PLEKHA5: variants seen among roughly 807,000 people sequenced by gnomAD.
PLEKHA5 encodes pleckstrin homology domain-containing family A member 5.
In PLEKHA5, 55 loss-of-function variants were observed where a neutral mutation model predicts 181.9. The ratio of observed to expected loss-of-function variants is 0.30; its 90% confidence interval spans 0.24 to 0.38. The LOEUF is 0.38. Among genes scored for constraint, PLEKHA5 ranks in the 10% least tolerant of loss-of-function variants. The pLI, the probability that PLEKHA5 is intolerant of heterozygous loss-of-function variation, is 1.00. For synonymous variants in PLEKHA5, 535 were observed against 529.4 expected, an observed-to-expected ratio of 1.01 and a Z score of -0.15; for missense variants, 1,432 against 1,549.5, an observed-to-expected ratio of 0.92 and a Z score of 1.27.
intron 3 of PLEKHA5, among the ~76,000 whole-genome samples, chr12:19,229,658 C>T (rs553102484): frequency 1.6e-4 from 24 of 152,204 alleles, no homozygotes; most frequent in Admixed American, 2.6e-4. Context: ...TCGCAAAGAG[C>T]GAAAGAACAA....
At chr12:19,362,633 G>A (rs887210228) in intron 29 of PLEKHA5, among the ~76,000 whole-genome samples, 3 of 152,122 alleles carry the variant, frequency 2.0e-5, no homozygotes, top group Non-Finnish European at 4.4e-5. Flanking sequence ...CCAGGTGCAT[G>A]CCTGTAGTTC....
intron 21 of PLEKHA5, 134 bp downstream of exon 21, chr12:19,336,750 T>C (rs2093456587): frequency 3.4e-6 from 2 of 582,024 alleles, no homozygotes; most frequent in Non-Finnish European, 6.0e-6. Flanking sequence ...TTGAATACTT[T>C]TAATGACAGG....
At chr12:19,276,664 C>T (rs534393636) in intron 11 of PLEKHA5, among the ~76,000 whole-genome samples, 2 of 152,316 alleles carry the variant, frequency 1.3e-5, no homozygotes, top group East Asian at 3.9e-4. Flanking sequence ...GCACTCCAAT[C>T]TGGAAGTTTC....
intron 21 of PLEKHA5, among the ~76,000 whole-genome samples, chr12:19,339,483 A>G (rs891062462): frequency 7.2e-5 from 11 of 152,234 alleles, no homozygotes; most frequent in African/African-American, 2.7e-4. Context: ...TTATTACAGG[A>G]TATAAGAGAA....
intron 31 of PLEKHA5, chr12:19,372,557 T>C (rs1446647720): frequency 1.3e-5 from 2 of 152,076 alleles, no homozygotes; most frequent in South Asian, 2.1e-4. Flanking sequence ...TGTGCCCTTT[T>C]TTTCAGCCCA....
chr12:19,195,556 G>C (rs557228503), intron 3 of PLEKHA5, among the ~76,000 whole-genome samples: 193 of 151,306 alleles, frequency 1.3e-3, no homozygotes, highest in African/African-American at 4.3e-3. Flanking sequence ...TGTAGTCTCA[G>C]CTACTCTGAG....
In PLEKHA5 at chr12:19,341,600, G is replaced by C. The variant is rs2093932863; in HGVS notation, c.2551-1723G>C. Among the ~76,000 whole-genome samples the C allele has an allele frequency of 1.3e-5, 2 of 151,690 alleles. 1 individual carries two copies. The highest frequency in any genetic ancestry group is 6.8e-3 in the Middle Eastern group (2 of 292). On this transcript the variant is annotated intron_variant, in intron 21 of 31. Coordinates refer to ENST00000429027, the MANE Select transcript of PLEKHA5 (RefSeq NM_001256470.2). ...GTAGCTTGGAAAACTAGATAACTTA[G>C]GTTATGTAGTGCCTTTTTGGAGCAG...
intron 3 of PLEKHA5, among the ~76,000 whole-genome samples, chr12:19,184,136 T>C (rs58663385): frequency 0.12 from 18,643 of 152,202 alleles, 1,381 homozygotes; most frequent in East Asian, 0.3. Flanking sequence ...TTATTATTAT[T>C]TTAAAAGTAA....
intron 3 of PLEKHA5, among the ~76,000 whole-genome samples, chr12:19,230,601 G>A (rs529718701): frequency 6.6e-6 from 1 of 152,320 alleles, no homozygotes; most frequent in East Asian, 1.9e-4. Context: ...GCTGGCCTGG[G>A]TGCTAAGCCC....
At chr12:19,244,097 ATAGGCTGAG>A (rs1233810603) in intron 3 of PLEKHA5, among the ~76,000 whole-genome samples, 2 of 152,114 alleles carry the variant, frequency 1.3e-5, no homozygotes, top group African/African-American at 4.8e-5. Flanking sequence ...CTTGACTAGC[ATAGGCTGAG>A]TTGATTTAAT....
intron 3 of PLEKHA5, among the ~76,000 whole-genome samples, chr12:19,144,871 C>A (rs2038475368): frequency 6.6e-6 from 1 of 152,006 alleles, no homozygotes; most frequent in Non-Finnish European, 1.5e-5. Flanking sequence ...GAATGTAAGC[C>A]CAAATATTTT....
At chr12:19,244,628 C>T (rs2063306478) in intron 3 of PLEKHA5, among the ~76,000 whole-genome samples, 1 of 152,048 alleles carries the variant, frequency 6.6e-6, no homozygotes, top group Non-Finnish European at 1.5e-5. Flanking sequence ...TTTCTTTTTC[C>T]CTTAAGGGAA....
intron 22 of PLEKHA5, among the ~76,000 whole-genome samples, chr12:19,344,618 CA>C (rs1297517661): frequency 6.6e-6 from 1 of 152,104 alleles, no homozygotes; most frequent in Non-Finnish European, 1.5e-5. Flanking sequence ...GAGAAATAAG[CA>C]CATGTTTTCC....
At chr12:19,191,286 A>G (rs1399625423) in intron 3 of PLEKHA5, among the ~76,000 whole-genome samples, 4 of 152,190 alleles carry the variant, frequency 2.6e-5, no homozygotes, top group Non-Finnish European at 5.9e-5. Flanking sequence ...ATGGGAGTGA[A>G]GTAGGGATTA....
rs1440381394 is a variant in PLEKHA5 at position 19,145,432 on chromosome 12, A to G, written c.227+12982A>G. Reference sequence around the variant, plus strand: ...CTCTGCTCCCCAAGAAGTTATAAGTATCAGTGGTTTAGGGTCCATTTTTCT... The same window carrying G: ...CTCTGCTCCCCAAGAAGTTATAAGTGTCAGTGGTTTAGGGTCCATTTTTCT... On this transcript the variant is annotated intron_variant, in intron 3 of 31. Transcript: ENST00000429027. 4.6e-5 allele frequency among the ~76,000 whole-genome samples: 7 copies of G among 152,108 alleles called. 1 individual carries two copies. The highest frequency in any genetic ancestry group is 1.3e-4 in the Admixed American group (2 of 15,262).
intron 21 of PLEKHA5, among the ~76,000 whole-genome samples, chr12:19,338,623 A>T (rs529846434): frequency 6.6e-6 from 1 of 151,716 alleles, no homozygotes; most frequent in Non-Finnish European, 1.5e-5. Flanking sequence ...AAAAAAACAC[A>T]AAGTGCTGAG....
chr12:19,337,548 C>CAAAAAAAAAAAAAA (rs1157232818), intron 21 of PLEKHA5, among the ~76,000 whole-genome samples: 1 of 61,688 alleles, frequency 1.6e-5, no homozygotes. Flanking sequence ...GACTCTATCT[C>CAAAAAAAAAAAAAA]AAAAAAAAAA....
chr12:19,311,577 A>C (rs1396894850), intron 15 of PLEKHA5, among the ~76,000 whole-genome samples: 1 of 152,080 alleles, frequency 6.6e-6, no homozygotes, highest in Non-Finnish European at 1.5e-5. Context: ...CCAGGAGTAG[A>C]TTTTATCTCA....
At chr12:19,332,291 A>G (rs1211328487) in intron 20 of PLEKHA5, among the ~76,000 whole-genome samples, 2 of 152,122 alleles carry the variant, frequency 1.3e-5, no homozygotes, top group East Asian at 1.9e-4. Context: ...CTCTGCAGCA[A>G]TCCCTCCTCC....
Sources: gnomAD v4.1 joint callset for allele counts (sites outside exome capture counted in the v4.1 genomes callset) on GRCh38, gnomAD v4.1.1 for gene constraint, MANE v1.5 for transcripts, NCBI Gene and HGNC (gene_info 2026-07-23, HGNC 2026-07-21) for gene names.